Variants in SLIT2 observed in about 807,000 individuals in gnomAD.
SLIT2 encodes the protein slit guidance ligand 2, also known as slit homolog 2 protein.
A neutral mutation model predicts 185.7 loss-of-function variants in SLIT2; 41 were observed. The ratio of observed to expected loss-of-function variants is 0.22; its 90% CI spans 0.17 to 0.29. The LOEUF is 0.29. SLIT2 is among the 10% of genes least tolerant of loss of function. The pLI is 1.00. For synonymous variants in SLIT2, 693 were observed against 680.2 expected (o/e 1.02, Z -0.29); for missense variants, 1,571 against 1,909.0 (o/e 0.82, Z 3.30).
chr4:20,256,154 G>T (rs982601178), intron 1 of SLIT2, among the ~76,000 whole-genome samples: 5 of 152,176 alleles, frequency 3.3e-5, no homozygotes, highest in African/African-American at 1.2e-4. Flanking sequence ...ATGAATGCAA[G>T]TCTTTGAAGT....
At chr4:20,386,122 T>A (rs1724919927) in intron 4 of SLIT2, among the ~76,000 whole-genome samples, 1 of 152,182 alleles carries the variant, frequency 6.6e-6, no homozygotes, top group South Asian at 2.1e-4. Context: ...AGCTCATGCA[T>A]TTGACTCATA....
chr4:20,617,221 T>C (rs369773717), intron 35 of SLIT2, 23 bp downstream of exon 35: 256 of 1,549,692 alleles, frequency 1.7e-4, no homozygotes, highest in Non-Finnish European at 1.6e-4. Context: ...TGCTTGGGAG[T>C]TGAGCACACA....
chr4:20,333,146 A>G (rs1023471172), intron 4 of SLIT2, among the ~76,000 whole-genome samples: 3 of 152,248 alleles, frequency 2.0e-5, no homozygotes, highest in South Asian at 4.1e-4. Flanking sequence ...GAATACCCTT[A>G]TACATATTGA....
chr4:20,404,463 G>A (rs1577588879), intron 4 of SLIT2, among the ~76,000 whole-genome samples: 1 of 151,960 alleles, frequency 6.6e-6, no homozygotes, highest in Non-Finnish European at 1.5e-5. Context: ...AGTTTCATAA[G>A]GTTAAGTTTT....
At chr4:20,552,214 C>T (rs1723821656) in intron 25 of SLIT2, among the ~76,000 whole-genome samples, 1 of 152,082 alleles carries the variant, frequency 6.6e-6, no homozygotes, top group South Asian at 2.1e-4. Flanking sequence ...AGCCGTTCTG[C>T]TAGTGTTATG....
At chr4:20,587,367 T>C (rs553699341) in intron 29 of SLIT2, among the ~76,000 whole-genome samples, 2 of 152,280 alleles carry the variant, frequency 1.3e-5, no homozygotes, top group Admixed American at 1.3e-4. Flanking sequence ...TAAGGTCAGG[T>C]GTATAGCTAT....
intron 4 of SLIT2, among the ~76,000 whole-genome samples, chr4:20,278,313 A>C (rs1414820687): frequency 6.6e-6 from 1 of 152,146 alleles, no homozygotes; most frequent in Non-Finnish European, 1.5e-5. Flanking sequence ...AAGTGCATGG[A>C]AAATGGAATG....
intron 4 of SLIT2, among the ~76,000 whole-genome samples, chr4:20,381,004 A>G (rs1244423786): frequency 3.9e-5 from 6 of 152,160 alleles, no homozygotes; most frequent in Non-Finnish European, 8.8e-5. Flanking sequence ...CTGTAATCCC[A>G]GCACTTTGGG....
intron 25 of SLIT2, among the ~76,000 whole-genome samples, chr4:20,551,672 A>C (rs1366710421): frequency 6.6e-6 from 1 of 152,096 alleles, no homozygotes; most frequent in Non-Finnish European, 1.5e-5. Context: ...CTATTTAACT[A>C]TGCCTAAACA....
Position 20,510,516 on chromosome 4 carries a change from C to A in SLIT2, c.936C>A (p.Ile312=), listed in dbSNP as rs989644960. 1.2e-6 allele frequency: 2 copies of A among 1,611,202 alleles called. No homozygotes were observed. The highest frequency in any genetic ancestry group is 1.3e-5 in the African/African-American group (1 of 74,800). ...ITEIRLEQNT[I]KVIPPGAFSP... is the part of the protein sequence containing the mutation. ...GCAGACGTTTGGAACAGAACACAATCAAAGTCATCCCTCCTGGAGCTTTCT... is the reference window on the plus strand; with the variant it reads ...GCAGACGTTTGGAACAGAACACAATAAAAGTCATCCCTCCTGGAGCTTTCT... Residue 312 remains isoleucine (I), a synonymous_variant, in exon 10 of 37, where the codon ATC becomes ATA. Transcript: ENST00000504154.
At chr4:20,495,050 G>A (rs1190392002) in intron 9 of SLIT2, among the ~76,000 whole-genome samples, 7 of 152,178 alleles carry the variant, frequency 4.6e-5, no homozygotes, top group Admixed American at 3.9e-4. Context: ...ACCAAGCTGG[G>A]GTCTGAGAGA....
chr4:20,431,478 C>G (rs1728973400), intron 4 of SLIT2, among the ~76,000 whole-genome samples: 2 of 152,102 alleles, frequency 1.3e-5, no homozygotes, highest in Non-Finnish European at 2.9e-5. Flanking sequence ...CTGAACGCAT[C>G]TTTTATGGAA....
At chr4:20,445,042 A>G (rs1182334278) in intron 4 of SLIT2, among the ~76,000 whole-genome samples, 2 of 152,182 alleles carry the variant, frequency 1.3e-5, no homozygotes, top group Non-Finnish European at 2.9e-5. Flanking sequence ...TGGAGCCGCA[A>G]TGGGGTGATT....
Position 20,280,831 on chromosome 4 carries a change from A to ATGTTTTTT in SLIT2, c.395+11952_395+11959dup, listed in dbSNP as rs1714678272. ...TTGTTTGAAGGCTTATATTAAAAAA[A>ATGTTTTTT]TGTTTTTTTTTTTTTTTTGAGACGG... On this transcript the variant is annotated intron_variant, in intron 4 of 36. Coordinates refer to ENST00000504154, the MANE Select transcript of SLIT2 (RefSeq NM_004787.4). Among the ~76,000 whole-genome samples, 2 of 144,116 alleles carry ATGTTTTTT rather than the reference A, an allele frequency of 1.4e-5. 1 individual carries two copies. Among genetic ancestry groups the ATGTTTTTT allele is most frequent in the South Asian group, 4.6e-4 (2 of 4,392 alleles). The allele number at this position is 144,116 out of a possible 152,430, so 94.5% of individuals were successfully genotyped here.
intron 34 of SLIT2, among the ~76,000 whole-genome samples, chr4:20,613,775 A>T (rs972696275): frequency 2.0e-5 from 3 of 152,214 alleles, no homozygotes; most frequent in African/African-American, 7.2e-5. Context: ...TTGCCTCAGC[A>T]TCTGGGGAGA....
intron 4 of SLIT2, among the ~76,000 whole-genome samples, chr4:20,339,245 T>G (rs916399274): frequency 5.3e-5 from 8 of 152,082 alleles, no homozygotes; most frequent in African/African-American, 1.7e-4. Flanking sequence ...TGAACCTGAT[T>G]TAATTTGTTT....
At chr4:20,400,447 C>A (rs1726257051) in intron 4 of SLIT2, among the ~76,000 whole-genome samples, 1 of 151,538 alleles carries the variant, frequency 6.6e-6, no homozygotes, top group South Asian at 2.1e-4. Context: ...ACTATGTTTT[C>A]AAGGTTTCTG....
chr4:20,603,907 T>A (rs1728593875), intron 33 of SLIT2, among the ~76,000 whole-genome samples: 2 of 152,356 alleles, frequency 1.3e-5, no homozygotes, highest in African/African-American at 4.8e-5. Flanking sequence ...AAGATGTTTA[T>A]TCAGCCATTC....
chr4:20,302,470 G>C (rs1182791198), intron 4 of SLIT2, among the ~76,000 whole-genome samples: 2 of 152,148 alleles, frequency 1.3e-5, no homozygotes, highest in African/African-American at 4.8e-5. Context: ...ATGTCTATGG[G>C]GGGGATGGAA....
Sources: allele counts gnomAD v4.1 joint callset (sites outside exome capture counted in the v4.1 genomes callset), GRCh38; gene constraint gnomAD v4.1.1; transcripts MANE v1.5; gene names NCBI Gene and HGNC (gene_info 2026-07-23, HGNC 2026-07-21).